The following MCF2L2 variants were observed in gnomAD, a reference collection of about 807,000 sequenced individuals.
The protein encoded by MCF2L2 is probable guanine nucleotide exchange factor MCF2L2.
Under a neutral mutation model 150.2 loss-of-function variants are expected in MCF2L2, and 102 were observed. The ratio of observed to expected loss-of-function variants is 0.68; its 90% CI spans 0.58 to 0.80. The LOEUF (loss-of-function observed/expected upper bound fraction) is 0.80, where lower values mean the gene tolerates loss of function less well. Ranked by LOEUF, MCF2L2 falls within the 30% of genes least tolerant of loss-of-function variation. The pLI, the probability that MCF2L2 is intolerant of heterozygous loss-of-function variation, is 0.00. For synonymous variants in MCF2L2, 465 were observed against 491.3 expected (o/e 0.95, Z 0.71); for missense variants, 1,256 against 1,372.8 (o/e 0.91, Z 1.34).
chr3:183,245,448 G>A (rs982696526), intron 15 of MCF2L2, among the ~76,000 whole-genome samples: 1 of 152,184 alleles, frequency 6.6e-6, no homozygotes. Context: ...TGGGGGCTGG[G>A]AGGCTGGGGG....
intron 3 of MCF2L2, 30 bp from the exon 4 acceptor site, chr3:183,341,660 T>C: frequency 6.7e-7 from 1 of 1,493,866 alleles, no homozygotes. Flanking sequence ...GTGTCAGAGA[T>C]TAGGTGAGAC....
chr3:183,311,796 T>G, intron 7 of MCF2L2, 24 bp from the exon 8 acceptor site: 1 of 1,599,764 alleles, frequency 6.3e-7, no homozygotes, highest in East Asian at 2.2e-5. Context: ...GTAGTCTCTC[T>G]TAGAACGAAT....
intron 26 of MCF2L2, among the ~76,000 whole-genome samples, chr3:183,193,512 A>G (rs1721978472): frequency 6.6e-6 from 1 of 151,992 alleles, no homozygotes; most frequent in Non-Finnish European, 1.5e-5. Context: ...CACCACACCC[A>G]GCTAATTTTT....
At chr3:183,296,870 T>G (rs565152857) in intron 12 of MCF2L2, 106 bp downstream of exon 12, 1 of 1,280,016 alleles carries the variant, frequency 7.8e-7, no homozygotes, top group Admixed American at 2.7e-5. Context: ...CCCACTCAAT[T>G]CAGCCTGCTC....
At chr3:183,393,892 ACTGT>A (rs757216888) in intron 1 of MCF2L2, among the ~76,000 whole-genome samples, 1 of 152,154 alleles carries the variant, frequency 6.6e-6, no homozygotes, top group African/African-American at 2.4e-5. Context: ...ATATCTCAAC[ACTGT>A]CTGACTGCTG....
At chr3:183,327,496 A>G (rs1200659140) in intron 5 of MCF2L2, among the ~76,000 whole-genome samples, 1 of 152,228 alleles carries the variant, frequency 6.6e-6, no homozygotes, top group Non-Finnish European at 1.5e-5. Flanking sequence ...TGCCTGTCCA[A>G]CTTCCGACTG....
chr3:183,257,958 C>CTTTTTTTTTTTTT lies in MCF2L2; in HGVS notation c.1862+18901_1862+18913dup, dbSNP rs35323502. ...TATTCCTTGCTCCCTCCACTTCACC[C>CTTTTTTTTTTTTT]TTTTTTTTTTTTTTTTTTTTTTTTT... is the stretch of plus-strand genomic sequence containing the variant. On this transcript the variant is annotated intron_variant, in intron 15 of 29. Coordinates refer to ENST00000328913, the MANE Select transcript of MCF2L2 (RefSeq NM_015078.4). Among the ~76,000 whole-genome samples, 90 of 64,746 alleles carry CTTTTTTTTTTTTT rather than the reference C, an allele frequency of 1.4e-3. 20 individuals carry two copies. Among genetic ancestry groups the CTTTTTTTTTTTTT allele is most frequent in the African/African-American group, 5.1e-3 (74 of 14,404 alleles). The allele number at this position is 64,746 out of a possible 152,430, so 42.5% of individuals were successfully genotyped here.
chr3:183,318,089 T>G lies in MCF2L2; in HGVS notation c.732A>C (p.Thr244=). Residue 244 remains threonine (T), a synonymous_variant, in exon 7 of 30, where the codon ACA becomes ACC. Coordinates refer to ENST00000328913, the MANE Select transcript of MCF2L2 (RefSeq NM_015078.4). ...LSTEDLLMSH[T]RQRDKLQDEL... is the part of the protein sequence containing the mutation. ...TCACCTGCAGCTTGTCCCGCTGCCT[T>G]GTGTGGGACATGAGAAGGTCTTCCG... 1 of 1,614,034 alleles carries G rather than the reference T, an allele frequency of 6.2e-7. No individual in the cohort carries two copies. Among genetic ancestry groups the G allele is most frequent in the Non-Finnish European group, 8.5e-7 (1 of 1,179,980 alleles).
chr3:183,238,856 G>A (rs1292814307), intron 15 of MCF2L2, among the ~76,000 whole-genome samples: 1 of 151,468 alleles, frequency 6.6e-6, no homozygotes, highest in Non-Finnish European at 1.5e-5. Context: ...AATTAGCCAG[G>A]CGTGGTGGTG....
chr3:183,393,566 G>T (rs1207258257), intron 1 of MCF2L2, among the ~76,000 whole-genome samples: 1 of 152,080 alleles, frequency 6.6e-6, no homozygotes, highest in Non-Finnish European at 1.5e-5. Flanking sequence ...TTCTATCCTG[G>T]GCAAACAAAT....
At chr3:183,363,103 C>T (rs1397552858) in intron 3 of MCF2L2, among the ~76,000 whole-genome samples, 1 of 151,968 alleles carries the variant, frequency 6.6e-6, no homozygotes, top group Non-Finnish European at 1.5e-5. Context: ...GAGATACTAC[C>T]ATATATATAT....
chr3:183,296,672 A>G (rs1421769819), intron 12 of MCF2L2: 2 of 251,496 alleles, frequency 8.0e-6, no homozygotes, highest in South Asian at 9.6e-5. Context: ...AAGCTCAGTG[A>G]GGGATGGAAG....
intron 2 of MCF2L2, among the ~76,000 whole-genome samples, chr3:183,380,928 T>C (rs1713489702): frequency 6.6e-6 from 1 of 152,228 alleles, no homozygotes. Flanking sequence ...TTTTAATTTA[T>C]ATGTATTATT....
intron 14 of MCF2L2, 21 bp from the exon 15 acceptor site, chr3:183,276,978 G>T (rs778128032): frequency 7.8e-6 from 12 of 1,533,328 alleles, no homozygotes; most frequent in Middle Eastern, 1.9e-4. Context: ...AGAAATTTTG[G>T]TAAGATTTGA....
intron 3 of MCF2L2, among the ~76,000 whole-genome samples, chr3:183,369,804 C>A (rs1712755118): frequency 6.6e-6 from 1 of 152,194 alleles, no homozygotes; most frequent in South Asian, 2.1e-4. Flanking sequence ...GTCAAGCCCT[C>A]TCTGGCTCAT....
At chr3:183,369,323 C>T (rs796604787) in intron 3 of MCF2L2, among the ~76,000 whole-genome samples, 10 of 152,284 alleles carry the variant, frequency 6.6e-5, no homozygotes, top group African/African-American at 2.4e-4. Flanking sequence ...CCACCCAACA[C>T]TGCTTCTCCT....
intron 25 of MCF2L2, among the ~76,000 whole-genome samples, chr3:183,198,692 T>C (rs932361085): frequency 2.0e-5 from 3 of 152,230 alleles, no homozygotes; most frequent in Non-Finnish European, 4.4e-5. Context: ...CTAGCTATTC[T>C]ATAGTTCTGG....
rs781628102 is a variant in MCF2L2, at chr3:183,197,561, C to T, written c.2885-2306G>A. 7.9e-5 allele frequency among the ~76,000 whole-genome samples: 12 copies of T among 152,026 alleles called. No homozygotes were observed. The highest frequency in any genetic ancestry group is 2.1e-4 in the South Asian group (1 of 4,826). Reference sequence around the variant, plus strand: ...GAAAATCTTTATGGCTTTTAGATAACGATTTCTTAGGCAGGATACCGAAAA... The same window carrying T: ...GAAAATCTTTATGGCTTTTAGATAATGATTTCTTAGGCAGGATACCGAAAA... On this transcript the variant is annotated intron_variant, in intron 25 of 29. Transcript: ENST00000328913. This position sits in a 1 kb window ranked among gnomAD's most constrained non-coding sequence, Gnocchi z 4.5.
intron 21 of MCF2L2, 120 bp downstream of exon 21, chr3:183,219,736 A>C: frequency 1.5e-6 from 1 of 646,830 alleles, no homozygotes; most frequent in Non-Finnish European, 2.7e-6. Context: ...TAGGATACAT[A>C]CTATTTTAGA....
Sources: gnomAD v4.1 joint callset for allele counts (sites outside exome capture counted in the v4.1 genomes callset) on GRCh38, gnomAD v4.1.1 for gene constraint, Gnocchi (gnomAD v3.1) non-coding constraint, MANE v1.5 for transcripts, NCBI Gene and HGNC (gene_info 2026-07-23, HGNC 2026-07-21) for gene names.